Variants in GALNT13 observed in about 807,000 individuals in gnomAD.
GALNT13 encodes the protein UDP-GalNAc:polypeptide N-acetylgalactosaminyltransferase 13.
In GALNT13, 28 loss-of-function variants were observed where a neutral mutation model predicts 64.2. That is an observed-to-expected ratio of 0.44 (90% CI 0.32 to 0.60). The LOEUF is 0.60. GALNT13 is among the 20% of genes least tolerant of loss of function. The pLI is 0.05. For synonymous variants in GALNT13, 214 were observed against 224.6 expected, an observed-to-expected ratio of 0.95 and a Z score of 0.42; for missense variants, 577 against 669.8, an observed-to-expected ratio of 0.86 and a Z score of 1.53.
chr2:153,615,761 T>C, the GALNT13 span, among the ~76,000 whole-genome samples: 2 of 152,096 alleles, frequency 1.3e-5, no homozygotes, highest in Non-Finnish European at 2.9e-5. Context: ...TTCAAATCTT[T>C]TGTCCATTTT....
chr2:154,268,724 C>T (rs1229105608), intron 8 of GALNT13, among the ~76,000 whole-genome samples: 2 of 151,952 alleles, frequency 1.3e-5, no homozygotes, highest in East Asian at 3.9e-4. Context: ...AACCTCTATA[C>T]TTTAGGTTAG....
At chr2:153,893,008 A>G (rs921502217) in intron 1 of GALNT13, among the ~76,000 whole-genome samples, 6 of 152,114 alleles carry the variant, frequency 3.9e-5, no homozygotes, top group Non-Finnish European at 5.9e-5. Flanking sequence ...TGATGTTGGT[A>G]GTCTGCTAAG....
the GALNT13 span, among the ~76,000 whole-genome samples, chr2:153,783,135 G>A: frequency 2.0e-5 from 3 of 152,186 alleles, no homozygotes; most frequent in Non-Finnish European, 4.4e-5. Flanking sequence ...TAAGAGTGAA[G>A]CCAGTTCATA....
chr2:153,688,775 GGTTT>G, the GALNT13 span, among the ~76,000 whole-genome samples: 5 of 151,842 alleles, frequency 3.3e-5, no homozygotes, highest in Non-Finnish European at 7.4e-5. Flanking sequence ...ATGTAGCAGT[GGTTT>G]GTTTACCTTT....
chr2:153,267,336 G>A, the GALNT13 span, among the ~76,000 whole-genome samples: 3 of 152,194 alleles, frequency 2.0e-5, no homozygotes, highest in South Asian at 6.2e-4. Context: ...CATTGCCCTA[G>A]TAGAGGTTTT....
the GALNT13 span, among the ~76,000 whole-genome samples, chr2:153,646,462 T>C: frequency 6.8e-6 from 1 of 146,374 alleles, no homozygotes; most frequent in Non-Finnish European, 1.5e-5. Flanking sequence ...CTTTTATATA[T>C]ATATATATAT....
At chr2:153,766,187 C>T in the GALNT13 span, among the ~76,000 whole-genome samples, 1 of 151,194 alleles carries the variant, frequency 6.6e-6, no homozygotes, top group Admixed American at 6.6e-5. Flanking sequence ...TTACTTCAGT[C>T]TTGCCTGGGC....
chr2:153,437,067 C>CT, the GALNT13 span, among the ~76,000 whole-genome samples: 1 of 152,030 alleles, frequency 6.6e-6, no homozygotes. Context: ...TTATTTTAGC[C>CT]TTCATTTCGT....
the GALNT13 span, among the ~76,000 whole-genome samples, chr2:153,587,970 G>T: frequency 6.6e-6 from 1 of 152,130 alleles, no homozygotes; most frequent in Non-Finnish European, 1.5e-5. Flanking sequence ...AAAACAAAGG[G>T]GCTACAGGCC....
intron 3 of GALNT13, among the ~76,000 whole-genome samples, chr2:154,079,279 C>T (rs1574463370): frequency 6.6e-6 from 1 of 151,424 alleles, no homozygotes; most frequent in South Asian, 2.1e-4. Flanking sequence ...CATTAAAAAG[C>T]TTTTAGAAAA....
the GALNT13 span, among the ~76,000 whole-genome samples, chr2:153,422,694 A>G: frequency 1.3e-5 from 2 of 152,164 alleles, no homozygotes; most frequent in African/African-American, 4.8e-5. Context: ...TCATAAAATA[A>G]CATTTTGCCA....
chr2:153,531,091 T>G, the GALNT13 span, among the ~76,000 whole-genome samples: 1 of 152,070 alleles, frequency 6.6e-6, no homozygotes, highest in Non-Finnish European at 1.5e-5. Context: ...ACTGGCAAAG[T>G]GAAGAGGTAA....
intron 3 of GALNT13, among the ~76,000 whole-genome samples, chr2:154,087,848 C>G (rs1331859460): frequency 6.6e-6 from 1 of 151,956 alleles, no homozygotes; most frequent in African/African-American, 2.4e-5. Context: ...TCATATTTCT[C>G]TCTTTGTCAA....
the GALNT13 span, among the ~76,000 whole-genome samples, chr2:153,519,203 T>C: frequency 6.6e-6 from 1 of 152,192 alleles, no homozygotes; most frequent in Non-Finnish European, 1.5e-5. Flanking sequence ...ATATTTTCCA[T>C]TTAAACGGCT....
chr2:154,121,694 T>A (rs1574542396), intron 3 of GALNT13, among the ~76,000 whole-genome samples: 1 of 152,186 alleles, frequency 6.6e-6, no homozygotes, highest in African/African-American at 2.4e-5. Context: ...AAATACACAA[T>A]ACTATAGCAC....
At chr2:153,930,672 G>T (rs532908410) in intron 2 of GALNT13, among the ~76,000 whole-genome samples, 1 of 152,140 alleles carries the variant, frequency 6.6e-6, no homozygotes, top group Non-Finnish European at 1.5e-5. Context: ...CTGTTCCACT[G>T]GTCTATGTCT....
chr2:153,129,383 C>A, the GALNT13 span, among the ~76,000 whole-genome samples: 1 of 152,168 alleles, frequency 6.6e-6, no homozygotes, highest in African/African-American at 2.4e-5. Context: ...TTTCTAGAAA[C>A]AATTCATTAC....
At chr2:153,799,415 C>T in the GALNT13 span, among the ~76,000 whole-genome samples, 2 of 152,044 alleles carry the variant, frequency 1.3e-5, no homozygotes, top group African/African-American at 2.4e-5. Context: ...ATTCATTTAT[C>T]GACATGCATA....
chr2:153,427,663 A>T, the GALNT13 span, among the ~76,000 whole-genome samples: 1 of 152,190 alleles, frequency 6.6e-6, no homozygotes, highest in Non-Finnish European at 1.5e-5. Flanking sequence ...TCTATTTGAC[A>T]TATTGTTTGC....
Sources: gnomAD v4.1 joint callset for allele counts (sites outside exome capture counted in the v4.1 genomes callset) on GRCh38, gnomAD v4.1.1 for gene constraint, MANE v1.5 for transcripts, NCBI Gene and HGNC (gene_info 2026-07-23, HGNC 2026-07-21) for gene names.